CAB39: variants seen among roughly 807,000 people sequenced by gnomAD.
CAB39 encodes the protein calcium binding protein 39.
Under a neutral mutation model 40.0 loss-of-function variants are expected in CAB39, and 8 were observed. The observed-to-expected ratio is 0.20, with a 90% CI of 0.12 to 0.36. CAB39 has a LOEUF of 0.36. Ranked by LOEUF, CAB39 falls within the 10% of genes least tolerant of loss-of-function variation. The probability of loss-of-function intolerance (pLI) is 1.00; values close to 1 mark genes in which losing one functional copy is unlikely to be tolerated. For synonymous variants in CAB39, 156 were observed against 141.6 expected (o/e 1.10, Z -0.72); for missense variants, 270 against 401.1 (o/e 0.67, Z 2.79).
intron 8 of CAB39, 49 bp downstream of exon 8, chr2:230,817,946 G>A (rs182165208): frequency 1.8e-4 from 282 of 1,526,968 alleles, no homozygotes; most frequent in Non-Finnish European, 2.3e-4. Flanking sequence ...ATTGTTCGTC[G>A]TCTTTCATTC....
chr2:230,813,183 T>G (rs1696334330), intron 6 of CAB39, among the ~76,000 whole-genome samples: 1 of 152,220 alleles, frequency 6.6e-6, no homozygotes, highest in South Asian at 2.1e-4. Flanking sequence ...AAATAAAATC[T>G]TAAGGCTAAC....
chr2:230,728,966 A>G (rs1694635711), intron 1 of CAB39, among the ~76,000 whole-genome samples: 1 of 152,204 alleles, frequency 6.6e-6, no homozygotes, highest in Non-Finnish European at 1.5e-5. Context: ...CAGCAAAACT[A>G]ATTAAATATG....
chr2:230,776,186 A>G (rs1234177628), intron 2 of CAB39, among the ~76,000 whole-genome samples: 1 of 152,212 alleles, frequency 6.6e-6, no homozygotes, highest in Admixed American at 6.5e-5. Context: ...AGGGCCTTAT[A>G]GACAACCTAA....
chr2:230,791,093 A>G, intron 3 of CAB39, 57 bp downstream of exon 3: 2 of 1,250,522 alleles, frequency 1.6e-6, no homozygotes, highest in South Asian at 1.5e-5. Flanking sequence ...ATTCTTTTCC[A>G]TACGTTCTCT....
At chr2:230,784,650 G>A (rs1027541605) in intron 2 of CAB39, among the ~76,000 whole-genome samples, 5 of 152,138 alleles carry the variant, frequency 3.3e-5, no homozygotes, top group Admixed American at 6.5e-5. Flanking sequence ...GTTTTCAGAG[G>A]CGGGTGTAAT....
At chr2:230,751,231 C>G (rs115128216) in intron 1 of CAB39, among the ~76,000 whole-genome samples, 1 of 152,168 alleles carries the variant, frequency 6.6e-6, no homozygotes, top group Non-Finnish European at 1.5e-5. Context: ...GTTCGTGAGT[C>G]AGATCTAACA....
intron 2 of CAB39, among the ~76,000 whole-genome samples, chr2:230,784,949 A>C (rs1332681491): frequency 6.6e-6 from 1 of 152,192 alleles, no homozygotes; most frequent in Non-Finnish European, 1.5e-5. Flanking sequence ...ATTGGCTATT[A>C]GTTTAAAACT....
intron 6 of CAB39, 106 bp from the exon 7 acceptor site, chr2:230,813,943 T>G: frequency 1.7e-6 from 1 of 582,338 alleles, no homozygotes. Context: ...GTGAGAAATG[T>G]GTCCTTAAGC....
At chr2:230,728,417 C>T (rs1445720320) in intron 1 of CAB39, among the ~76,000 whole-genome samples, 2 of 151,286 alleles carry the variant, frequency 1.3e-5, no homozygotes, top group Admixed American at 6.6e-5. Context: ...TCAAGTGATT[C>T]TCCAGCCTCA....
intron 2 of CAB39, among the ~76,000 whole-genome samples, chr2:230,768,041 G>A (rs1343606113): frequency 2.0e-5 from 3 of 151,986 alleles, no homozygotes; most frequent in Non-Finnish European, 4.4e-5. Flanking sequence ...TTTTCCCCTT[G>A]TTAGACCATC....
intron 2 of CAB39, among the ~76,000 whole-genome samples, chr2:230,774,796 G>C (rs552017614): frequency 6.6e-6 from 1 of 151,654 alleles, no homozygotes; most frequent in Non-Finnish European, 1.5e-5. Context: ...ACACCAGAAG[G>C]TTATTAATAG....
chr2:230,723,995 A>G (rs893362281), intron 1 of CAB39, among the ~76,000 whole-genome samples: 6 of 151,858 alleles, frequency 4.0e-5, no homozygotes, highest in African/African-American at 2.4e-5. Context: ...TGTAATTCCA[A>G]CACTTTGGGA....
At chr2:230,732,059 G>A (rs1474822506) in intron 1 of CAB39, among the ~76,000 whole-genome samples, 2 of 151,750 alleles carry the variant, frequency 1.3e-5, no homozygotes, top group African/African-American at 4.8e-5. Context: ...AGAGCTGAGA[G>A]CTTGGTGAAA....
At chr2:230,816,665 C>A (rs952342761) in intron 7 of CAB39, among the ~76,000 whole-genome samples, 1 of 152,236 alleles carries the variant, frequency 6.6e-6, no homozygotes, top group African/African-American at 2.4e-5. Flanking sequence ...GCTATTTGCG[C>A]CTTTTCTTCC....
At chr2:230,748,832 ATATATATATATATATATATATAT>A (rs1376733729) in intron 1 of CAB39, among the ~76,000 whole-genome samples, 2 of 21,760 alleles carry the variant, frequency 9.2e-5, no homozygotes, top group Non-Finnish European at 1.7e-4. Flanking sequence ...AAAAAAAAAA[ATATATATATATATATATATATAT>A]ATATATATAT....
intron 2 of CAB39, among the ~76,000 whole-genome samples, chr2:230,777,362 G>T (rs58260523): frequency 0.056 from 6,872 of 123,162 alleles, 532 homozygotes; most frequent in African/African-American, 0.18. Context: ...TGTTTTTTTT[G>T]TTTTTTTTTT....
rs539023776 is a variant in CAB39, at chr2:230,775,933, G to C, written c.115-14939G>C. Among the ~76,000 whole-genome samples the C allele has an allele frequency of 1.8e-3, 277 of 152,236 alleles. 1 individual carries two copies. The highest frequency in any genetic ancestry group is 2.7e-3 in the Non-Finnish European group (184 of 68,020). ...TTGGGGGCGCAGATAAAATTCTGTG[G>C]GAACCAAGAGGATAAAGCAGTTCCT... On this transcript the variant is annotated intron_variant, in intron 2 of 8. Coordinates refer to ENST00000258418, the MANE Select transcript of CAB39 (RefSeq NM_016289.4).
intron 5 of CAB39, among the ~76,000 whole-genome samples, chr2:230,802,139 T>C (rs930721481): frequency 4.6e-5 from 7 of 152,180 alleles, no homozygotes; most frequent in Admixed American, 2.0e-4. Flanking sequence ...ACATGGAAAC[T>C]GAACAACCTG....
chr2:230,738,085 T>C (rs1406798625), intron 1 of CAB39, among the ~76,000 whole-genome samples: 1 of 152,240 alleles, frequency 6.6e-6, no homozygotes, highest in East Asian at 1.9e-4. Flanking sequence ...AAACATTTTC[T>C]GACCCTTATC....
Sources: allele counts gnomAD v4.1 joint callset (sites outside exome capture counted in the v4.1 genomes callset), GRCh38; gene constraint gnomAD v4.1.1; transcripts MANE v1.5; gene names NCBI Gene and HGNC (gene_info 2026-07-23, HGNC 2026-07-21).